The following OVOL3 variants were observed in gnomAD, a reference collection of about 807,000 sequenced individuals.
OVOL3 encodes the protein ovo like zinc finger 3.
A neutral mutation model predicts 13.6 loss-of-function variants in OVOL3; 15 were observed. That is an observed-to-expected ratio of 1.11 (90% CI 0.74 to 1.70). OVOL3 has a LOEUF of 1.70. Among genes scored for constraint, OVOL3 ranks in the 40% most tolerant of loss-of-function variants. OVOL3 has a pLI of 0.00. For synonymous variants in OVOL3, 102 were observed against 108.5 expected, an observed-to-expected ratio of 0.94 and a Z score of 0.37; for missense variants, 290 against 280.6, an observed-to-expected ratio of 1.03 and a Z score of -0.24.
At chr19:36,111,610 TCTA>T (rs1214981078) in intron 2 of OVOL3, 177 bp downstream of exon 2, 2 of 739,564 alleles carry the variant, frequency 2.7e-6, no homozygotes, top group Non-Finnish European at 4.7e-6. Context: ...TAGTGAGCTC[TCTA>T]CTGTTAGGTC....
chr19:36,111,638 A>G (rs1294955136), intron 2 of OVOL3: 1 of 696,238 alleles, frequency 1.4e-6, no homozygotes, highest in Admixed American at 2.0e-5. Flanking sequence ...CCCAGGCACC[A>G]GGGCCGGCAG....
Position 36,113,683 on chromosome 19 carries a change from C to T in OVOL3, c.*22C>T. On this transcript the variant is annotated 3_prime_UTR_variant, in exon 4 of 4. Coordinates refer to ENST00000633214, the MANE Select transcript of OVOL3 (RefSeq NM_001302757.2). ...CTGATACGGTGTGCCAGCGTCCTCC[C>T]CACGAGGCAAATAAACACAGAAAAC... The T allele has an allele frequency of 6.4e-7, 1 of 1,555,516 alleles. No homozygotes were observed. The highest frequency in any genetic ancestry group is 8.7e-7 in the Non-Finnish European group (1 of 1,148,914).
chr19:36,113,663 AC>A lies in OVOL3; in HGVS notation c.*3del. On this transcript the variant is annotated 3_prime_UTR_variant, in exon 4 of 4. Coordinates refer to ENST00000633214, the MANE Select transcript of OVOL3 (RefSeq NM_001302757.2). ...CGCGCCCTGCACCGCGCAGCCTGATACGGTGTGCCAGCGTCCTCCCCACGAG... is the reference window on the plus strand; with the variant it reads ...CGCGCCCTGCACCGCGCAGCCTGATAGGTGTGCCAGCGTCCTCCCCACGAG... 1 of 1,549,548 alleles carries A rather than the reference AC, an allele frequency of 6.5e-7. No individual in the cohort carries two copies. The highest frequency in any genetic ancestry group is 2.4e-5 in the East Asian group (1 of 40,898).
chr19:36,111,593 T>A (rs1275879549), intron 2 of OVOL3, 160 bp downstream of exon 2: 1 of 774,782 alleles, frequency 1.3e-6, no homozygotes, highest in South Asian at 1.5e-5. Flanking sequence ...TGCCTCTCCT[T>A]TCCTAGTAGT....
In OVOL3 at chr19:36,112,819, G is replaced by A. The variant is rs752109138; in HGVS notation, c.219G>A (p.Pro73=). Residue 73 remains proline, a synonymous_variant, in exon 3 of 4, where the codon CCG becomes CCA. Transcript: ENST00000633214. Reference sequence around the variant, plus strand: ...GGGGCCCTGGGACGCTGGGCTGCCCGCTCTGCCCTAAGGCCTTCCCTCTGC... The same window carrying A: ...GGGGCCCTGGGACGCTGGGCTGCCCACTCTGCCCTAAGGCCTTCCCTCTGC... ...APRGPGTLGC[P]LCPKAFPLQR... 508 of 1,535,624 alleles carry A rather than the reference G, an allele frequency of 3.3e-4. No homozygotes were observed. The highest frequency in any genetic ancestry group is 4.0e-4 in the Non-Finnish European group (462 of 1,146,840).
In OVOL3 at chr19:36,112,927, C is replaced by T. The variant is rs576111450; in HGVS notation, c.327C>T (p.Asp109=). The T allele has an allele frequency of 2.4e-5, 37 of 1,536,314 alleles. No individual in the cohort carries two copies. Among genetic ancestry groups the T allele is most frequent in the African/African-American group, 8.2e-5 (6 of 73,178 alleles). The change falls in exon 3 of 4, where the codon GAC becomes GAT. Residue 109 remains aspartate (D), a synonymous_variant. Coordinates refer to ENST00000633214, the MANE Select transcript of OVOL3 (RefSeq NM_001302757.2). ...LCRCCGKGFH[D]AFDLKRHMRT... ...GCTGTTGTGGCAAGGGCTTTCATGA[C>T]GCCTTCGATCTCAAGCGCCACATGA... is the stretch of plus-strand genomic sequence containing the variant.
chr19:36,113,583 C>G lies in OVOL3; in HGVS notation c.495C>G (p.His165Gln). ...ACCGTGAGCGCCGCGAGAAGCTGCA[C>G]GTGTGCGAGGACTGCGGCTTCACCA... The part of the protein sequence containing the change: ...YAYRERREKL[H>Q]VCEDCGFTSS... The change falls in exon 4 of 4, where the codon CAC becomes CAG. Residue 165 changes from histidine (H) to glutamine (Q), a missense_variant. His to Gln is a conservative substitution (Grantham distance 24). Coordinates refer to ENST00000633214, the MANE Select transcript of OVOL3 (RefSeq NM_001302757.2). 1.3e-6 allele frequency: 2 copies of G among 1,539,058 alleles called. No homozygotes were observed. Among genetic ancestry groups the G allele is most frequent in the South Asian group, 1.2e-5 (1 of 84,068 alleles).
chr19:36,111,304 C>A lies in OVOL3; in HGVS notation c.94+8C>A. On this transcript the variant is annotated splice_region_variant and intron_variant, in intron 1 of 3. Transcript: ENST00000633214. Reference sequence around the variant, plus strand: ...GAGATGCCTATATCCCAGGTGGGCCCCTCACTGTGCCTGGAGGTAAGGGGC... The same window carrying A: ...GAGATGCCTATATCCCAGGTGGGCCACTCACTGTGCCTGGAGGTAAGGGGC... 1 of 1,535,914 alleles carries A rather than the reference C, an allele frequency of 6.5e-7. No homozygotes were observed. Among genetic ancestry groups the A allele is most frequent in the Non-Finnish European group, 8.7e-7 (1 of 1,146,732 alleles).
rs2145902607 is a variant in OVOL3, at chr19:36,113,663, A to G, written c.*2A>G. 6.5e-7 allele frequency: 1 copy of G among 1,549,548 alleles called. No individual in the cohort carries two copies. Among genetic ancestry groups the G allele is most frequent in the East Asian group, 2.4e-5 (1 of 40,898 alleles). ...CGCGCCCTGCACCGCGCAGCCTGAT[A>G]CGGTGTGCCAGCGTCCTCCCCACGA... On this transcript the variant is annotated 3_prime_UTR_variant, in exon 4 of 4. Coordinates refer to ENST00000633214, the MANE Select transcript of OVOL3 (RefSeq NM_001302757.2).
Position 36,113,553 on chromosome 19 carries a change from C to T in OVOL3, c.465C>T (p.Tyr155=), listed in dbSNP as rs538686782. Residue 155 remains tyrosine (Y), a synonymous_variant, in exon 4 of 4, where the codon TAC becomes TAT. Transcript: ENST00000633214. ...AGGTGCATGGACAGCCGGCCAGCTACGCTTACCGTGAGCGCCGCGAGAAGC... is the reference window on the plus strand; with the variant it reads ...AGGTGCATGGACAGCCGGCCAGCTATGCTTACCGTGAGCGCCGCGAGAAGC... ...LAKVHGQPAS[Y]AYRERREKLH... is the part of the protein sequence containing the mutation. The T allele has an allele frequency of 2.0e-6, 3 of 1,536,620 alleles. No homozygotes were observed. Among genetic ancestry groups the T allele is most frequent in the East Asian group, 2.4e-5 (1 of 40,912 alleles).
chr19:36,111,546 T>C lies in OVOL3; in HGVS notation c.159+113T>C, dbSNP rs1427611594. ...ACCCATCTGCACACGCCCTCCAGCC[T>C]CGGGACCTGTCCGCCCCTACTTCTC... On this transcript the variant is annotated intron_variant, in intron 2 of 3. Transcript: ENST00000633214. 3.8e-6 allele frequency: 4 copies of C among 1,061,536 alleles called. No homozygotes were observed. The African/African-American group carries it at 6.3e-5, about 17-fold the overall frequency. 65.8% of individuals were successfully genotyped at this position (1,061,536 alleles called of 1,614,324 possible). A position where few individuals can be genotyped will look rare whatever the true frequency, so the allele number is the denominator to read the frequency against.
rs1320497743 is a variant in OVOL3 at position 36,113,617 on chromosome 19, C to A, written c.529C>A (p.Pro177Thr). 6.5e-7 allele frequency: 1 copy of A among 1,543,762 alleles called. No individual in the cohort carries two copies. The highest frequency in any genetic ancestry group is 8.7e-7 in the Non-Finnish European group (1 of 1,146,918). Residue 177 changes from proline (P) to threonine (T), a missense_variant, in exon 4 of 4, where the codon CCC (proline) becomes ACC (threonine). Physicochemically the swap from Pro to Thr is conservative, Grantham distance 38. Coordinates refer to ENST00000633214, the MANE Select transcript of OVOL3 (RefSeq NM_001302757.2). ...CEDCGFTSSR[P>T]DTYAQHRALH... ...GGACTGCGGCTTCACCAGCTCCCGG[C>A]CCGACACCTACGCACAGCACCGCGC...
intron 3 of OVOL3, 140 bp downstream of exon 3, chr19:36,113,104 C>G (rs1218792883): frequency 1.0e-6 from 1 of 986,738 alleles, no homozygotes; most frequent in African/African-American, 1.6e-5. Flanking sequence ...TCTCTCGGAC[C>G]CCAGTGGGTG....
At chr19:36,113,109 T>C (rs1973864430) in intron 3 of OVOL3, 145 bp downstream of exon 3, 1 of 947,366 alleles carries the variant, frequency 1.1e-6, no homozygotes, top group Non-Finnish European at 1.6e-6. Flanking sequence ...CGGACCCCAG[T>C]GGGTGGGTGT....
chr19:36,111,634 C>G (rs767401138), intron 2 of OVOL3: 1 of 702,614 alleles, frequency 1.4e-6, no homozygotes, highest in Non-Finnish European at 2.6e-6. Flanking sequence ...TCACCCCAGG[C>G]ACCAGGGCCG....
intron 3 of OVOL3, 141 bp from the exon 4 acceptor site, chr19:36,113,311 TG>T: frequency 2.3e-6 from 2 of 854,710 alleles, no homozygotes; most frequent in Non-Finnish European, 3.6e-6. Flanking sequence ...CGGTAGCAGA[TG>T]GTGGGTCATG....
chr19:36,112,333 A>G (rs997707708), intron 2 of OVOL3, among the ~76,000 whole-genome samples: 5 of 152,198 alleles, frequency 3.3e-5, no homozygotes, highest in African/African-American at 9.7e-5. Flanking sequence ...CAGCCTGGCC[A>G]ACATGGTGAA....
intron 3 of OVOL3, among the ~76,000 whole-genome samples, 193 bp downstream of exon 3, chr19:36,113,157 G>C (rs1440344843): frequency 6.6e-5 from 10 of 152,198 alleles, no homozygotes; most frequent in Admixed American, 6.5e-4. Context: ...ACGGAATGCA[G>C]AGTGCAGACG....
At chr19:36,112,991 G>A (rs1278612867) in intron 3 of OVOL3, 27 bp downstream of exon 3, 10 of 1,530,830 alleles carry the variant, frequency 6.5e-6, no homozygotes, top group Non-Finnish European at 8.8e-6. Context: ...ACAGGGAAAA[G>A]TTGCTGGGCC....
Sources: allele counts gnomAD v4.1 joint callset (sites outside exome capture counted in the v4.1 genomes callset), GRCh38; gene constraint gnomAD v4.1.1; transcripts MANE v1.5; gene names NCBI Gene and HGNC (gene_info 2026-07-23, HGNC 2026-07-21).